Variants in WASHC5 observed in about 807,000 individuals in gnomAD.
WASHC5 encodes the protein WASH complex subunit strumpellin.
A neutral mutation model predicts 150.4 loss-of-function variants in WASHC5; 101 were observed. The ratio of observed to expected loss-of-function variants is 0.67; its 90% CI spans 0.57 to 0.79. WASHC5 has a LOEUF of 0.79. Ranked by LOEUF, WASHC5 falls within the 30% of genes least tolerant of loss-of-function variation. WASHC5 has a pLI of 0.00. For synonymous variants in WASHC5, 467 were observed against 491.2 expected (o/e 0.95, Z 0.65); for missense variants, 1,195 against 1,396.3 (o/e 0.86, Z 2.30).
At chr8:125,025,221 G>C (rs961506628) in intron 28 of WASHC5, among the ~76,000 whole-genome samples, 2 of 152,016 alleles carry the variant, frequency 1.3e-5, no homozygotes, top group African/African-American at 4.8e-5. Flanking sequence ...TGATCTCCAA[G>C]TGCTGGAGAT....
chr8:125,056,521 A>G (rs1472928762), intron 16 of WASHC5, among the ~76,000 whole-genome samples, 156 bp downstream of exon 16: 2 of 152,232 alleles, frequency 1.3e-5, no homozygotes, highest in Non-Finnish European at 2.9e-5. Flanking sequence ...GTGTGATTGT[A>G]CTAAAATCAT....
Position 125,039,856 on chromosome 8 carries a change from AT to A in WASHC5, c.2892del (p.Glu964AspfsTer2). 6.2e-7 allele frequency: 1 copy of A among 1,613,982 alleles called. No homozygotes were observed. Among genetic ancestry groups the A allele is most frequent in the Non-Finnish European group, 8.5e-7 (1 of 1,179,932 alleles). ...GAATCAAACCGACAAGAATAATTTAATTCATTGGCAATCTGTTGTCTCAGAA... is the reference window on the plus strand; with the variant it reads ...GAATCAAACCGACAAGAATAATTTAATCATTGGCAATCTGTTGTCTCAGAA... ...MQILRQQIAN[E>X]LNYSCRFDSK... On this transcript the variant is annotated frameshift_variant, in exon 24 of 29. Coordinates refer to ENST00000318410, the MANE Select transcript of WASHC5 (RefSeq NM_014846.4). LOFTEE classifies it high-confidence loss of function.
intron 12 of WASHC5, 84 bp from the exon 13 acceptor site, chr8:125,059,626 G>A: frequency 1.0e-6 from 1 of 962,594 alleles, no homozygotes; most frequent in Non-Finnish European, 1.6e-6. Context: ...TTCAAATAAA[G>A]CACACTACTT....
At chr8:125,030,441 G>A (rs935930039) in intron 27 of WASHC5, among the ~76,000 whole-genome samples, 3 of 152,110 alleles carry the variant, frequency 2.0e-5, no homozygotes, top group African/African-American at 4.8e-5. Context: ...ACCAGTGTTT[G>A]TTGTTCGATT....
At position 125,038,605 on chromosome 8, in the gene WASHC5, C is replaced by T. The variant is rs906712443; in HGVS notation, c.3084+225G>A. Among the ~76,000 whole-genome samples, 5 of 152,182 alleles carry T rather than the reference C, an allele frequency of 3.3e-5. No homozygotes were observed. The South Asian group carries it at 1.0e-3, about 31-fold the overall frequency. On this transcript the variant is annotated intron_variant, in intron 25 of 28. Transcript: ENST00000318410. ...TCTCTTACACGGAGGCAGCACCTTC[C>T]CCTTTGTCATGAGCTTTCACCAGCG...
intron 28 of WASHC5, among the ~76,000 whole-genome samples, chr8:125,025,849 C>T (rs914020434): frequency 6.6e-6 from 1 of 151,964 alleles, no homozygotes; most frequent in Non-Finnish European, 1.5e-5. Context: ...CACACACACA[C>T]ACACACACAA....
intron 26 of WASHC5, chr8:125,032,605 A>T (rs1815574338): frequency 1.0e-5 from 6 of 588,566 alleles, no homozygotes. Flanking sequence ...AACCAATAAA[A>T]CGGTTACTAA....
intron 15 of WASHC5, 126 bp from the exon 16 acceptor site, chr8:125,056,943 T>TATA: frequency 6.5e-6 from 7 of 1,073,066 alleles, no homozygotes; most frequent in Non-Finnish European, 1.0e-5. Context: ...GCTGTTTTAA[T>TATA]AACTGCTGGC....
rs1272499411 is a variant in WASHC5 at position 125,064,377 on chromosome 8, ATTTATTTAT to A, written c.1279-735_1279-727del. 4.5e-5 allele frequency among the ~76,000 whole-genome samples: 5 copies of A among 112,080 alleles called. No individual in the cohort carries two copies. The South Asian group carries it at 1.3e-3, about 30-fold the overall frequency. The allele number at this position is 112,080 out of a possible 152,430, so 73.5% of individuals were successfully genotyped here. On this transcript the variant is annotated intron_variant, in intron 10 of 28. Coordinates refer to ENST00000318410, the MANE Select transcript of WASHC5 (RefSeq NM_014846.4). ...GCCACTACACCTGGTTAATTTTCTT[ATTTATTTAT>A]TTTTTTTTTTTTTGCAGAGATGGGG...
chr8:125,028,457 A>G (rs756816042), intron 28 of WASHC5, among the ~76,000 whole-genome samples, 163 bp downstream of exon 28: 1 of 152,214 alleles, frequency 6.6e-6, no homozygotes, highest in Non-Finnish European at 1.5e-5. Flanking sequence ...CCCATGGTGG[A>G]AAAGGCAAGG....
At chr8:125,069,301 C>A (rs10429437) in intron 9 of WASHC5, among the ~76,000 whole-genome samples, 1 of 152,208 alleles carries the variant, frequency 6.6e-6, no homozygotes, top group Non-Finnish European at 1.5e-5. Flanking sequence ...CCTCCAGAAC[C>A]ATGAGCCAAA....
intron 5 of WASHC5, among the ~76,000 whole-genome samples, chr8:125,081,174 A>C (rs1249070409): frequency 6.6e-6 from 1 of 151,764 alleles, no homozygotes; most frequent in Non-Finnish European, 1.5e-5. Flanking sequence ...ATAATTTATA[A>C]TCATTATGAA....
chr8:125,085,093 A>G (rs1371993634), intron 1 of WASHC5, among the ~76,000 whole-genome samples: 1 of 152,218 alleles, frequency 6.6e-6, no homozygotes, highest in Non-Finnish European at 1.5e-5. Flanking sequence ...GGGTTACAAG[A>G]GGTGATGTCT....
At chr8:125,026,748 T>C (rs1815388419) in intron 28 of WASHC5, among the ~76,000 whole-genome samples, 1 of 152,170 alleles carries the variant, frequency 6.6e-6, no homozygotes, top group South Asian at 2.1e-4. Flanking sequence ...TGCTCATTGT[T>C]CCTTCTATTT....
At chr8:125,054,615 C>T (rs939694693) in intron 17 of WASHC5, among the ~76,000 whole-genome samples, 2 of 151,866 alleles carry the variant, frequency 1.3e-5, no homozygotes, top group Admixed American at 1.3e-4. Context: ...GGGCGGGTCA[C>T]GAGGTCAGGA....
Position 125,059,395 on chromosome 8 carries a change from C to T in WASHC5, c.1669G>A (p.Ala557Thr), listed in dbSNP as rs749056160. 17 of 1,613,998 alleles carry T rather than the reference C, an allele frequency of 1.1e-5. No homozygotes were observed. The highest frequency in any genetic ancestry group is 2.7e-5 in the African/African-American group (2 of 74,914). The change falls in exon 13 of 29, where the codon GCT becomes ACT. Residue 557 changes from alanine (A) to threonine (T), a missense_variant. Physicochemically the swap from Ala to Thr is moderately conservative, Grantham distance 58. This residue lies in a region of WASHC5 where 997 missense variants were observed against 1,168.1 expected (regional missense o/e 0.85). Coordinates refer to ENST00000318410, the MANE Select transcript of WASHC5 (RefSeq NM_014846.4). ...TMQIVGDLSF[A>T]WQLIDSFTSI... ...CATTACCTGTCAATCAACTGCCAAGCGAAAGAAAGGTCCCCAACGATCTGC... is the reference window on the plus strand; with the variant it reads ...CATTACCTGTCAATCAACTGCCAAGTGAAAGAAAGGTCCCCAACGATCTGC...
At position 125,055,678 on chromosome 8, in the gene WASHC5, CAAAGAA is replaced by C. The variant is rs1341384338; in HGVS notation, c.2017-13_2017-8del. 3.8e-6 allele frequency: 6 copies of C among 1,569,918 alleles called. No individual in the cohort carries two copies. The highest frequency in any genetic ancestry group is 5.3e-6 in the Non-Finnish European group (6 of 1,140,606). ...CATGAGTAAGCTTGGCAACCTATAA[CAAAGAA>C]AAAGAGGTATGAAAAATCACTGTCT... On this transcript the variant is annotated splice_polypyrimidine_tract_variant and splice_region_variant and intron_variant, in intron 16 of 28. Coordinates refer to ENST00000318410, the MANE Select transcript of WASHC5 (RefSeq NM_014846.4).
chr8:125,079,116 GTATATATATA>G (rs57043871), intron 5 of WASHC5, among the ~76,000 whole-genome samples, 186 bp from the exon 6 acceptor site: 2 of 97,926 alleles, frequency 2.0e-5, no homozygotes, highest in Non-Finnish European at 3.7e-5. Context: ...GTGTGTGTGT[GTATATATATA>G]TATATATATA....
intron 10 of WASHC5, 125 bp from the exon 11 acceptor site, chr8:125,063,776 G>C (rs1816670542): frequency 4.8e-6 from 4 of 835,404 alleles, no homozygotes; most frequent in Non-Finnish European, 5.7e-6. Context: ...AATTAACATT[G>C]ACCCTGATGT....
Sources: allele counts gnomAD v4.1 joint callset (sites outside exome capture counted in the v4.1 genomes callset), GRCh38; gene constraint gnomAD v4.1.1; regional missense constraint gnomAD v4.1.1; transcripts MANE v1.5; gene names NCBI Gene and HGNC (gene_info 2026-07-23, HGNC 2026-07-21).